Variants in FRAS1 observed in about 807,000 individuals in gnomAD.
FRAS1 encodes extracellular matrix organizing protein FRAS1.
Under a neutral mutation model 435.2 loss-of-function variants are expected in FRAS1, and 290 were observed. The ratio of observed to expected loss-of-function variants is 0.67; its 90% CI spans 0.61 to 0.73. The LOEUF (loss-of-function observed/expected upper bound fraction) is 0.73, where lower values mean the gene tolerates loss of function less well. FRAS1 is among the 30% of genes least tolerant of loss of function. The pLI is 0.00. For synonymous variants in FRAS1, 1,800 were observed against 1,851.0 expected (o/e 0.97, Z 0.71); for missense variants, 4,860 against 5,001.5 (o/e 0.97, Z 0.85).
rs758915915 is a variant in FRAS1 at position 78,432,346 on chromosome 4, A to G, written c.4970-11A>G. 5 of 1,584,962 alleles carry G rather than the reference A, an allele frequency of 3.2e-6. No individual in the cohort carries two copies. The Admixed American group carries it at 7.1e-5, about 23-fold the overall frequency. ...AAGCAACTCGTTTGCAATTTGTTTT[A>G]TTCTTGGAAGGTGACACTTTCACCT... On this transcript the variant is annotated splice_polypyrimidine_tract_variant and intron_variant, in intron 37 of 73. Transcript: ENST00000512123.
intron 2 of FRAS1, among the ~76,000 whole-genome samples, chr4:78,131,098 A>G (rs1474391368): frequency 6.6e-6 from 1 of 152,190 alleles, no homozygotes; most frequent in Non-Finnish European, 1.5e-5. Flanking sequence ...AAGATTTGCC[A>G]CATTCTCATC....
At chr4:78,146,221 C>T (rs28542863) in intron 2 of FRAS1, among the ~76,000 whole-genome samples, 18,857 of 152,038 alleles carry the variant, frequency 0.12, 1,281 homozygotes, top group Admixed American at 0.16. Context: ...ACAGCAGTCC[C>T]CTATACAAGT....
At chr4:78,111,988 T>A (rs1742746575) in intron 2 of FRAS1, among the ~76,000 whole-genome samples, 1 of 152,150 alleles carries the variant, frequency 6.6e-6, no homozygotes, top group Non-Finnish European at 1.5e-5. Flanking sequence ...AATGTATGTT[T>A]TAAAAAATCC....
At chr4:78,297,492 A>G (rs1728189362) in intron 14 of FRAS1, among the ~76,000 whole-genome samples, 1 of 152,258 alleles carries the variant, frequency 6.6e-6, no homozygotes, top group African/African-American at 2.4e-5. Flanking sequence ...TTTCAAAAGT[A>G]TCAAATACAA....
intron 20 of FRAS1, among the ~76,000 whole-genome samples, chr4:78,341,801 G>A (rs1392623766): frequency 1.3e-5 from 2 of 152,078 alleles, no homozygotes; most frequent in Non-Finnish European, 2.9e-5. Context: ...CTTGAATTTG[G>A]CCAAGCTCAA....
rs114603718 is a variant in FRAS1, at chr4:78,538,576, A to G, written c.11299-718A>G. Among the ~76,000 whole-genome samples, 1,078 of 152,282 alleles carry G rather than the reference A, an allele frequency of 7.1e-3. 12 individuals carry two copies. Among genetic ancestry groups the G allele is most frequent in the African/African-American group, 0.025 (1,025 of 41,550 alleles). On this transcript the variant is annotated intron_variant, in intron 72 of 73. Coordinates refer to ENST00000512123, the MANE Select transcript of FRAS1 (RefSeq NM_025074.7). Reference sequence around the variant, plus strand: ...AGCATGGCTGGGGAGGCCTCTTACAATCATAGCAGAAGGGGAAGCAAATAC... The same window carrying G: ...AGCATGGCTGGGGAGGCCTCTTACAGTCATAGCAGAAGGGGAAGCAAATAC...
At chr4:78,114,665 TG>T (rs1359908196) in intron 2 of FRAS1, among the ~76,000 whole-genome samples, 2 of 152,220 alleles carry the variant, frequency 1.3e-5, no homozygotes, top group African/African-American at 4.8e-5. Flanking sequence ...TTGTGATTTT[TG>T]CACATTGATT....
chr4:78,488,835 TC>T (rs1370441636), intron 58 of FRAS1, 39 bp from the exon 59 acceptor site: 1 of 1,575,588 alleles, frequency 6.3e-7, no homozygotes, highest in Non-Finnish European at 8.7e-7. Flanking sequence ...TTCCCTGTCT[TC>T]CACTAATGGT....
In FRAS1 at chr4:78,477,912, G is replaced by C. The variant is rs1719902515; in HGVS notation, c.7949G>C (p.Ser2650Thr). 2 of 1,613,526 alleles carry C rather than the reference G, an allele frequency of 1.2e-6. No individual in the cohort carries two copies. The highest frequency in any genetic ancestry group is 1.7e-5 in the Admixed American group (1 of 59,988). Reference sequence around the variant, plus strand: ...GTTGAGAGTTTCACTGTGGAGCTCAGCATGCCAGCTTATGCCCTGTTAGGG... The same window carrying C: ...GTTGAGAGTTTCACTGTGGAGCTCACCATGCCAGCTTATGCCCTGTTAGGG... Reference protein sequence around the residue: ...ENVESFTVELSMPAYALLGEF... With the variant: ...ENVESFTVELTMPAYALLGEF... The change falls in exon 55 of 74, where the codon AGC becomes ACC. Residue 2650 changes from serine to threonine, a missense_variant. Coordinates refer to ENST00000512123, the MANE Select transcript of FRAS1 (RefSeq NM_025074.7).
At chr4:78,437,166 A>G (rs772795255) in intron 38 of FRAS1, among the ~76,000 whole-genome samples, 33 of 152,188 alleles carry the variant, frequency 2.2e-4, no homozygotes, top group Admixed American at 3.3e-4. Flanking sequence ...TTTGAAATAT[A>G]TAGTAAGATA....
At chr4:78,058,126 G>A (rs1560501429) in intron 1 of FRAS1, 41 bp downstream of exon 1, 1 of 1,544,734 alleles carries the variant, frequency 6.5e-7, no homozygotes, top group Non-Finnish European at 8.9e-7. Context: ...GTGTGCGTGT[G>A]CGTGTGTGTG....
chr4:78,140,524 T>G (rs2109996496), intron 2 of FRAS1, among the ~76,000 whole-genome samples: 2 of 152,246 alleles, frequency 1.3e-5, no homozygotes. Context: ...AATGCTGAGC[T>G]AGAAGATCTT....
intron 41 of FRAS1, among the ~76,000 whole-genome samples, chr4:78,442,874 C>T (rs778428761): frequency 1.3e-5 from 2 of 152,148 alleles, no homozygotes; most frequent in Non-Finnish European, 2.9e-5. Flanking sequence ...TTGCTGCTGG[C>T]CCAAGGACCA....
intron 2 of FRAS1, chr4:78,181,046 A>G: frequency 6.3e-7 from 1 of 1,579,920 alleles, no homozygotes; most frequent in Non-Finnish European, 8.7e-7. Context: ...ACGTTATATC[A>G]TTTGCTGGCT....
chr4:78,322,577 A>C lies in FRAS1; in HGVS notation c.2137+3591A>C, dbSNP rs574272379. ...AAGCAAGAGACAGATTCTTTATAGGAAGAAGCAATTTACTTAGACACTGAA... is the reference window on the plus strand; with the variant it reads ...AAGCAAGAGACAGATTCTTTATAGGCAGAAGCAATTTACTTAGACACTGAA... On this transcript the variant is annotated intron_variant, in intron 18 of 73. Transcript: ENST00000512123. Among the ~76,000 whole-genome samples the C allele has an allele frequency of 2.0e-5, 3 of 146,876 alleles. No homozygotes were observed. In the East Asian group the frequency reaches 5.8e-4, roughly 28 times the overall value.
intron 47 of FRAS1, among the ~76,000 whole-genome samples, chr4:78,463,621 AT>A (rs1222670184): frequency 6.6e-6 from 1 of 152,250 alleles, no homozygotes; most frequent in Non-Finnish European, 1.5e-5. Flanking sequence ...ATTATGCAAT[AT>A]TTAAAATGAG....
intron 3 of FRAS1, among the ~76,000 whole-genome samples, chr4:78,239,563 A>G (rs1397177014): frequency 6.6e-6 from 1 of 152,188 alleles, no homozygotes; most frequent in Non-Finnish European, 1.5e-5. Flanking sequence ...AATGGCTTCC[A>G]GTGGCTTCTC....
At chr4:78,518,523 C>T (rs999235147) in intron 66 of FRAS1, among the ~76,000 whole-genome samples, 8 of 150,604 alleles carry the variant, frequency 5.3e-5, no homozygotes, top group Non-Finnish European at 1.0e-4. Flanking sequence ...ACTCCCCATT[C>T]ACACACACAT....
chr4:78,080,045 T>C (rs983743196), intron 2 of FRAS1, among the ~76,000 whole-genome samples: 1 of 152,092 alleles, frequency 6.6e-6, no homozygotes, highest in Non-Finnish European at 1.5e-5. Flanking sequence ...AGGTTTCCTA[T>C]CTCTTAACTC....
Sources: allele counts gnomAD v4.1 joint callset (sites outside exome capture counted in the v4.1 genomes callset), GRCh38; gene constraint gnomAD v4.1.1; transcripts MANE v1.5; gene names NCBI Gene and HGNC (gene_info 2026-07-23, HGNC 2026-07-21).